The following MAGI1 variants were observed in gnomAD, a reference collection of about 807,000 sequenced individuals.
The protein encoded by MAGI1 is membrane associated guanylate kinase, WW and PDZ domain containing 1.
Under a neutral mutation model 139.9 loss-of-function variants are expected in MAGI1, and 58 were observed. The observed-to-expected ratio is 0.41, with a 90% CI of 0.34 to 0.52. The LOEUF (loss-of-function observed/expected upper bound fraction) is 0.52. MAGI1 is among the 20% of genes least tolerant of loss of function. The pLI, the probability that MAGI1 is intolerant of heterozygous loss-of-function variation, is 0.12. For missense variants in MAGI1, 1,874 were observed against 1,901.6 expected, an observed-to-expected ratio of 0.99 and a Z score of 0.27; for synonymous variants, 812 against 737.9, an observed-to-expected ratio of 1.10 and a Z score of -1.63.
chr3:65,719,141 C>T (rs1204434167), intron 1 of MAGI1, among the ~76,000 whole-genome samples: 1 of 151,484 alleles, frequency 6.6e-6, no homozygotes, highest in Non-Finnish European at 1.5e-5. Flanking sequence ...ACAAAAGCAT[C>T]AGAAGACAGA....
chr3:65,904,021 A>G (rs1575952979), intron 1 of MAGI1, among the ~76,000 whole-genome samples: 1 of 151,832 alleles, frequency 6.6e-6, no homozygotes, highest in Admixed American at 6.6e-5. Context: ...AAAAAAAAAG[A>G]AAGAAAGAAA....
At chr3:65,629,477 T>G (rs2084163130) in intron 1 of MAGI1, among the ~76,000 whole-genome samples, 1 of 151,736 alleles carries the variant, frequency 6.6e-6, no homozygotes, top group Non-Finnish European at 1.5e-5. Flanking sequence ...ACACAATTTC[T>G]TCAAAAAAAT....
intron 1 of MAGI1, among the ~76,000 whole-genome samples, chr3:66,003,325 T>TGGAGA (rs1329535480): frequency 6.6e-6 from 1 of 151,932 alleles, no homozygotes; most frequent in Non-Finnish European, 1.5e-5. Flanking sequence ...CACAGAGTAA[T>TGGAGA]GGAGAGTGGA....
chr3:66,018,873 G>A (rs1476479313), intron 1 of MAGI1, among the ~76,000 whole-genome samples: 1 of 152,142 alleles, frequency 6.6e-6, no homozygotes, highest in Non-Finnish European at 1.5e-5. Flanking sequence ...TCTTCCCTTT[G>A]GGAAGCCACA....
chr3:65,358,760 A>C (rs560979695), intron 22 of MAGI1, among the ~76,000 whole-genome samples: 3 of 152,310 alleles, frequency 2.0e-5, no homozygotes, highest in African/African-American at 4.8e-5. Flanking sequence ...ACAGGGCTCC[A>C]TGAAACAAGG....
chr3:65,703,906 G>C (rs1419863100), intron 1 of MAGI1, among the ~76,000 whole-genome samples: 2 of 152,186 alleles, frequency 1.3e-5, no homozygotes, highest in African/African-American at 4.8e-5. Flanking sequence ...GTGTTAGCTA[G>C]GGATTTCTTA....
chr3:65,725,220 G>C (rs1055190957), intron 1 of MAGI1, among the ~76,000 whole-genome samples: 3 of 152,104 alleles, frequency 2.0e-5, no homozygotes, highest in Admixed American at 2.0e-4. Flanking sequence ...TAAGTGCATG[G>C]ACTCTGGAAC....
chr3:65,820,847 C>A (rs1036193128), intron 1 of MAGI1, among the ~76,000 whole-genome samples: 4 of 152,108 alleles, frequency 2.6e-5, no homozygotes, highest in African/African-American at 9.7e-5. Flanking sequence ...AATATCATCC[C>A]AGATTCAAGG....
chr3:65,715,146 G>A (rs768423397), intron 1 of MAGI1, among the ~76,000 whole-genome samples: 4 of 152,120 alleles, frequency 2.6e-5, no homozygotes. Flanking sequence ...GAAGAAAAAC[G>A]ACCTCAGACA....
chr3:65,848,766 T>A (rs1293608195), intron 1 of MAGI1, among the ~76,000 whole-genome samples: 1 of 151,908 alleles, frequency 6.6e-6, no homozygotes. Flanking sequence ...TTATTTAAAC[T>A]CTCTTAGCCT....
chr3:65,786,608 A>ATTTTTTTTTTTTTTTTTTTTT (rs34768515), intron 1 of MAGI1, among the ~76,000 whole-genome samples: 1 of 128,374 alleles, frequency 7.8e-6, no homozygotes, highest in Non-Finnish European at 1.6e-5. Context: ...TGGCCCAAGA[A>ATTTTTTTTTTTTTTTTTTTTT]TTTTTTTTTT....
At chr3:65,449,491 G>C (rs1032953329) in intron 6 of MAGI1, among the ~76,000 whole-genome samples, 8 of 152,102 alleles carry the variant, frequency 5.3e-5, no homozygotes, top group African/African-American at 1.7e-4. Flanking sequence ...AACACAATCA[G>C]GGGCCAGGCG....
At chr3:65,581,999 G>A (rs983145896) in intron 2 of MAGI1, among the ~76,000 whole-genome samples, 9 of 152,088 alleles carry the variant, frequency 5.9e-5, no homozygotes, top group African/African-American at 1.4e-4. Flanking sequence ...TGTATGTCAG[G>A]CATTGCACTA....
intron 1 of MAGI1, among the ~76,000 whole-genome samples, chr3:65,780,778 C>T (rs1240335436): frequency 6.6e-5 from 10 of 152,102 alleles, no homozygotes; most frequent in African/African-American, 2.4e-4. Context: ...CCATGGGTTA[C>T]AGAAGGGGGT....
At chr3:65,711,321 C>T (rs888620528) in intron 1 of MAGI1, among the ~76,000 whole-genome samples, 2 of 152,178 alleles carry the variant, frequency 1.3e-5, no homozygotes, top group Admixed American at 1.3e-4. Flanking sequence ...AGTTTGGAAG[C>T]CAGATTTCTT....
At chr3:66,020,503 C>G (rs2067904109) in intron 1 of MAGI1, among the ~76,000 whole-genome samples, 1 of 152,094 alleles carries the variant, frequency 6.6e-6, no homozygotes, top group Non-Finnish European at 1.5e-5. Context: ...TCAAGGCTGT[C>G]CATTACAGAT....
chr3:65,726,581 T>A (rs1373784349), intron 1 of MAGI1, among the ~76,000 whole-genome samples: 1 of 152,196 alleles, frequency 6.6e-6, no homozygotes, highest in Non-Finnish European at 1.5e-5. Context: ...CCTCAGTTCA[T>A]TGGTGATATC....
intron 2 of MAGI1, among the ~76,000 whole-genome samples, chr3:65,565,716 G>A (rs1028790746): frequency 7.2e-5 from 11 of 151,822 alleles, no homozygotes; most frequent in Admixed American, 6.6e-5. Flanking sequence ...AATTAGCCGG[G>A]TGTGGTGGTG....
chr3:65,946,564 C>T (rs1461399158), intron 1 of MAGI1, among the ~76,000 whole-genome samples: 3 of 152,022 alleles, frequency 2.0e-5, no homozygotes, highest in Non-Finnish European at 2.9e-5. Flanking sequence ...GAGGGGAGAG[C>T]TCAAACCTAT....
Sources: gnomAD v4.1 joint callset for allele counts (sites outside exome capture counted in the v4.1 genomes callset) on GRCh38, gnomAD v4.1.1 for gene constraint, MANE v1.5 for transcripts, NCBI Gene and HGNC (gene_info 2026-07-23, HGNC 2026-07-21) for gene names.